MMP16: variants seen among roughly 807,000 people sequenced by gnomAD.
MMP16 encodes the protein matrix metalloproteinase-16.
Under a neutral mutation model 67.8 loss-of-function variants are expected in MMP16, and 12 were observed. The observed-to-expected ratio is 0.18, with a 90% CI of 0.11 to 0.29. The LOEUF (loss-of-function observed/expected upper bound fraction) is 0.29, where lower values mean the gene tolerates loss of function less well. Among genes scored for constraint, MMP16 ranks in the 10% least tolerant of loss-of-function variants. The pLI, the probability that MMP16 is intolerant of heterozygous loss-of-function variation, is 1.00. For synonymous variants in MMP16, 249 were observed against 255.9 expected (o/e 0.97, Z 0.26); for missense variants, 475 against 765.7 (o/e 0.62, Z 4.48).
chr8:88,115,984 C>T (rs778445500), intron 6 of MMP16, among the ~76,000 whole-genome samples: 4 of 152,018 alleles, frequency 2.6e-5, no homozygotes, highest in Admixed American at 6.6e-5. Flanking sequence ...AAAACAATAA[C>T]ATTCATATGT....
chr8:88,249,568 C>G (rs1015590091), intron 1 of MMP16, among the ~76,000 whole-genome samples: 1 of 152,048 alleles, frequency 6.6e-6, no homozygotes, highest in Non-Finnish European at 1.5e-5. Context: ...TTAGAGGGAG[C>G]CTTTTACTTG....
At chr8:88,126,675 T>A (rs1170731492) in intron 4 of MMP16, among the ~76,000 whole-genome samples, 1 of 151,874 alleles carries the variant, frequency 6.6e-6, no homozygotes, top group East Asian at 1.9e-4. Flanking sequence ...ATATACGGAA[T>A]CATTACTTTG....
intron 1 of MMP16, among the ~76,000 whole-genome samples, chr8:88,296,161 C>T (rs1811010311): frequency 6.6e-6 from 1 of 152,162 alleles, no homozygotes; most frequent in East Asian, 1.9e-4. Flanking sequence ...CGATTATTCG[C>T]CAGCTTCTAC....
chr8:88,222,519 C>A (rs905212084), intron 1 of MMP16, among the ~76,000 whole-genome samples: 1 of 152,062 alleles, frequency 6.6e-6, no homozygotes, highest in Non-Finnish European at 1.5e-5. Flanking sequence ...TGGAACAGAA[C>A]AGAGCCCTCA....
intron 1 of MMP16, among the ~76,000 whole-genome samples, chr8:88,296,894 T>C (rs1334644793): frequency 6.6e-6 from 1 of 150,664 alleles, no homozygotes; most frequent in African/African-American, 2.4e-5. Flanking sequence ...CATTTATTCA[T>C]TTATCAGTTA....
At chr8:88,120,755 C>T (rs1181212826) in intron 4 of MMP16, among the ~76,000 whole-genome samples, 2 of 151,980 alleles carry the variant, frequency 1.3e-5, no homozygotes, top group African/African-American at 4.8e-5. Context: ...GCTTCAGAAA[C>T]TCCTGGCCTT....
intron 1 of MMP16, among the ~76,000 whole-genome samples, chr8:88,263,960 T>G (rs1004759092): frequency 7.0e-5 from 9 of 127,732 alleles, no homozygotes; most frequent in South Asian, 2.8e-4. Context: ...ATGGCATATA[T>G]AGAGAGAGAG....
intron 4 of MMP16, among the ~76,000 whole-genome samples, chr8:88,131,634 C>T (rs1054717856): frequency 6.6e-6 from 1 of 151,686 alleles, no homozygotes; most frequent in Non-Finnish European, 1.5e-5. Context: ...GGTCGAAATC[C>T]TAAAATAGTT....
At chr8:88,090,426 A>G (rs1184214310) in intron 6 of MMP16, among the ~76,000 whole-genome samples, 1 of 151,942 alleles carries the variant, frequency 6.6e-6, no homozygotes, top group Non-Finnish European at 1.5e-5. Context: ...AAAGAAAACT[A>G]TTTTGTACTG....
At chr8:88,310,927 ATGAGT>A (rs1023281288) in intron 1 of MMP16, among the ~76,000 whole-genome samples, 9 of 152,138 alleles carry the variant, frequency 5.9e-5, no homozygotes, top group Non-Finnish European at 1.2e-4. Flanking sequence ...TTGTGTGTCC[ATGAGT>A]TAAGTTTTAT....
At chr8:88,142,814 A>G (rs780336778) in intron 4 of MMP16, among the ~76,000 whole-genome samples, 22 of 152,188 alleles carry the variant, frequency 1.4e-4, no homozygotes, top group Non-Finnish European at 1.2e-4. Flanking sequence ...CCCACCCTAC[A>G]CGTTAAAAAA....
In MMP16 at chr8:88,074,468, T is replaced by C. The variant is rs1808611367; in HGVS notation, c.1222+137A>G. 4 of 694,062 alleles carry C rather than the reference T, an allele frequency of 5.8e-6. No individual in the cohort carries two copies. The South Asian group carries it at 1.7e-4, about 29-fold the overall frequency. The allele number at this position is 694,062 out of a possible 1,614,324, so 43.0% of individuals were successfully genotyped here. On this transcript the variant is annotated intron_variant, in intron 7 of 9. Transcript: ENST00000286614. ...ATAAAAAATGAAAATTATCTTCATT[T>C]ATATTTCTAGTTAACATAGTTTATT...
chr8:88,226,680 CCTT>C (rs1809774805), intron 1 of MMP16, among the ~76,000 whole-genome samples: 1 of 151,912 alleles, frequency 6.6e-6, no homozygotes, highest in Non-Finnish European at 1.5e-5. Context: ...CCTACAGGTT[CCTT>C]CTTACTGCCC....
At chr8:88,228,867 A>G (rs1260532355) in intron 1 of MMP16, among the ~76,000 whole-genome samples, 1 of 152,040 alleles carries the variant, frequency 6.6e-6, no homozygotes, top group Non-Finnish European at 1.5e-5. Context: ...AATCTTTATT[A>G]AAAGCACTAC....
chr8:88,135,172 T>C (rs1213181807), intron 4 of MMP16, among the ~76,000 whole-genome samples: 1 of 151,794 alleles, frequency 6.6e-6, no homozygotes, highest in African/African-American at 2.4e-5. Context: ...CATTTATTCA[T>C]TAAGCAAACA....
chr8:88,121,387 G>C (rs1807827126), intron 4 of MMP16, among the ~76,000 whole-genome samples: 3 of 151,886 alleles, frequency 2.0e-5, no homozygotes, highest in Admixed American at 1.3e-4. Flanking sequence ...CAGATGATTG[G>C]CAATAATGTA....
intron 2 of MMP16, among the ~76,000 whole-genome samples, chr8:88,187,708 T>C (rs542752039): frequency 3.2e-4 from 48 of 152,270 alleles, no homozygotes; most frequent in African/African-American, 1.1e-3. Flanking sequence ...TTTACAAACA[T>C]AATAACTTCC....
intron 1 of MMP16, among the ~76,000 whole-genome samples, chr8:88,228,169 C>T (rs182218769): frequency 5.5e-4 from 83 of 152,120 alleles, no homozygotes; most frequent in African/African-American, 1.9e-3. Flanking sequence ...TCATATGCTG[C>T]TAATGGTATA....
intron 1 of MMP16, among the ~76,000 whole-genome samples, chr8:88,263,990 G>GTA (rs1491038891): frequency 8.8e-5 from 2 of 22,646 alleles, no homozygotes; most frequent in African/African-American, 1.7e-4. Context: ...GAGAGAGAGT[G>GTA]TGTGTGTGTG....
Sources: gnomAD v4.1 joint callset for allele counts (sites outside exome capture counted in the v4.1 genomes callset) on GRCh38, gnomAD v4.1.1 for gene constraint, MANE v1.5 for transcripts, NCBI Gene and HGNC (gene_info 2026-07-23, HGNC 2026-07-21) for gene names.